The following CSMD2 variants were observed in gnomAD, a reference collection of about 807,000 sequenced individuals.
CSMD2 encodes the protein CUB and Sushi multiple domains 2.
A neutral mutation model predicts 398.5 loss-of-function variants in CSMD2; 130 were observed. That is an observed-to-expected ratio of 0.33 (90% confidence interval 0.28 to 0.38). The LOEUF (loss-of-function observed/expected upper bound fraction) is 0.38, where lower values mean the gene tolerates loss of function less well. Ranked by LOEUF, CSMD2 falls within the 10% of genes least tolerant of loss-of-function variation. The pLI, the probability that CSMD2 is intolerant of heterozygous loss-of-function variation, is 1.00. For missense variants in CSMD2, 3,829 were observed against 4,764.9 expected (o/e 0.80, Z 5.78); for synonymous variants, 1,828 against 1,908.5 (o/e 0.96, Z 1.10).
intron 26 of CSMD2, among the ~76,000 whole-genome samples, chr1:33,661,960 T>C (rs1447565064): frequency 7.8e-6 from 1 of 127,892 alleles, no homozygotes; most frequent in Admixed American, 8.1e-5. Context: ...CACAGTGGAG[T>C]AAGGAGATGG....
intron 3 of CSMD2, among the ~76,000 whole-genome samples, chr1:34,010,171 T>C (rs7541778): frequency 0.16 from 24,681 of 152,138 alleles, 2,693 homozygotes; most frequent in East Asian, 0.48. Flanking sequence ...TCCACCACTC[T>C]ATGTGGGCCT....
At chr1:33,520,348 T>C (rs575704109) in intron 68 of CSMD2, among the ~76,000 whole-genome samples, 21 of 152,332 alleles carry the variant, frequency 1.4e-4, no homozygotes, top group African/African-American at 5.1e-4. Context: ...GTGAAACTGT[T>C]CTGGTTGAAG....
At chr1:33,790,803 A>ATCTATCTG (rs1654191348) in intron 11 of CSMD2, among the ~76,000 whole-genome samples, 1 of 87,066 alleles carries the variant, frequency 1.1e-5, no homozygotes, top group Non-Finnish European at 2.6e-5. Context: ...TCTCTCTAAT[A>ATCTATCTG]TCTATCTATC....
At chr1:33,768,292 T>C (rs941572968) in intron 13 of CSMD2, among the ~76,000 whole-genome samples, 2 of 152,192 alleles carry the variant, frequency 1.3e-5, no homozygotes, top group Non-Finnish European at 2.9e-5. Context: ...CAGGGAATAT[T>C]TGGCAATGTC....
chr1:33,936,688 G>A (rs1267487724), intron 3 of CSMD2, among the ~76,000 whole-genome samples: 1 of 152,190 alleles, frequency 6.6e-6, no homozygotes, highest in Non-Finnish European at 1.5e-5. Context: ...CAATAAGGAG[G>A]GAGGGAGGAC....
intron 55 of CSMD2, among the ~76,000 whole-genome samples, chr1:33,554,289 G>A (rs1444224849): frequency 2.0e-5 from 3 of 146,500 alleles, no homozygotes; most frequent in Middle Eastern, 3.7e-3. Context: ...CACCTCCCAG[G>A]TTCAAGCAAT....
chr1:33,788,787 A>G (rs1653865682), intron 11 of CSMD2, 75 bp from the exon 12 acceptor site: 1 of 1,009,946 alleles, frequency 9.9e-7, no homozygotes, highest in South Asian at 1.3e-5. Context: ...GACCGATGAC[A>G]TTTAAAGGAC....
At chr1:34,037,488 A>G (rs995597139) in intron 2 of CSMD2, among the ~76,000 whole-genome samples, 5 of 152,192 alleles carry the variant, frequency 3.3e-5, no homozygotes, top group African/African-American at 1.2e-4. Flanking sequence ...TACCCTATGG[A>G]TTAAAATAGT....
Position 33,617,590 on chromosome 1 carries a change from G to A in CSMD2, c.5855C>T (p.Pro1952Leu), listed in dbSNP as rs1216154249. The A allele has an allele frequency of 9.9e-6, 16 of 1,614,012 alleles. No homozygotes were observed. The highest frequency in any genetic ancestry group is 1.2e-5 in the Non-Finnish European group (14 of 1,180,000). Residue 1952 changes from proline (P) to leucine (L), a missense_variant, in exon 38 of 71, where the codon CCT becomes CTT. Pro to Leu is a moderately conservative substitution (Grantham distance 98). This residue lies in a region of CSMD2 where 2,001 missense variants were observed against 2,567.1 expected (regional missense o/e 0.78). Coordinates refer to ENST00000373381, the MANE Select transcript of CSMD2 (RefSeq NM_001281956.2). ...KTVGLSSCPE[P>L]AVPSNGVKTG... ...CTTCACCCCGTTACTGGGCACAGCA[G>A]GTTCCGGACAACTGCTCAGGCCCAC...
intron 12 of CSMD2, among the ~76,000 whole-genome samples, chr1:33,781,475 C>T (rs896328232): frequency 3.7e-4 from 57 of 152,366 alleles, no homozygotes; most frequent in African/African-American, 1.3e-3. Flanking sequence ...CAACACATCA[C>T]AGGGCCTTAG....
At chr1:34,061,386 ACGGCTGGAG>A (rs1243189692) in intron 2 of CSMD2, among the ~76,000 whole-genome samples, 10 of 152,124 alleles carry the variant, frequency 6.6e-5, no homozygotes, top group African/African-American at 2.4e-4. Context: ...CCGTTTCGCA[ACGGCTGGAG>A]CGGCTGGGAC....
rs150462235 is a variant in CSMD2, at chr1:33,975,667, CA to C, written c.518-39714del. Among the ~76,000 whole-genome samples, 96 of 152,120 alleles carry C rather than the reference CA, an allele frequency of 6.3e-4. 1 individual carries two copies. The Middle Eastern group carries it at 0.02, about 32-fold the overall frequency. Reference sequence around the variant, plus strand: ...CACAGGTGCCATCGAAAGGAACCACCAGGGGGGAGGGGAGGGCCTCCCCTCT... The same window carrying C: ...CACAGGTGCCATCGAAAGGAACCACCGGGGGGAGGGGAGGGCCTCCCCTCT... On this transcript the variant is annotated intron_variant, in intron 3 of 70. Coordinates refer to ENST00000373381, the MANE Select transcript of CSMD2 (RefSeq NM_001281956.2).
chr1:34,094,282 C>T (rs1215706549), intron 1 of CSMD2, among the ~76,000 whole-genome samples: 2 of 151,912 alleles, frequency 1.3e-5, no homozygotes, highest in African/African-American at 2.4e-5. Context: ...AAGGAACAAC[C>T]GGTAGCAGCC....
intron 25 of CSMD2, among the ~76,000 whole-genome samples, chr1:33,678,351 A>C (rs995180894): frequency 2.6e-5 from 4 of 150,984 alleles, no homozygotes; most frequent in African/African-American, 4.9e-5. Context: ...TGCAAAAATG[A>C]GAAAATAAAA....
intron 3 of CSMD2, among the ~76,000 whole-genome samples, chr1:33,946,768 ACCAC>A (rs149469384): frequency 0.42 from 61,911 of 148,370 alleles, 13,198 homozygotes; most frequent in African/African-American, 0.53. Context: ...ACAGGCGCGC[ACCAC>A]CCACCATGTC....
Position 33,590,595 on chromosome 1 carries a change from T to TCACACACACACACACACA in CSMD2, c.6857-3445_6857-3428dup, listed in dbSNP as rs10611040. Among the ~76,000 whole-genome samples, 170 of 137,718 alleles carry TCACACACACACACACACA rather than the reference T, an allele frequency of 1.2e-3. 1 individual carries two copies. Among genetic ancestry groups the TCACACACACACACACACA allele is most frequent in the African/African-American group, 3.5e-3 (123 of 35,474 alleles). The allele number at this position is 137,718 out of a possible 152,430, so 90.3% of individuals were successfully genotyped here. A position where few individuals can be genotyped will look rare whatever the true frequency, so the allele number is the denominator to read the frequency against. ...ACAGACACGCCCTCCCTATTTCCCA[T>TCACACACACACACACACA]CACACACACACACACACACACACAC... On this transcript the variant is annotated intron_variant, in intron 44 of 70. Transcript: ENST00000373381.
At chr1:33,734,585 G>A (rs1286408048) in intron 15 of CSMD2, among the ~76,000 whole-genome samples, 1 of 152,110 alleles carries the variant, frequency 6.6e-6, no homozygotes, top group Non-Finnish European at 1.5e-5. Flanking sequence ...AGGAGTTTGA[G>A]ACCAGTCTGG....
At chr1:34,123,825 A>T (rs1255646444) in intron 1 of CSMD2, among the ~76,000 whole-genome samples, 2 of 152,092 alleles carry the variant, frequency 1.3e-5, no homozygotes, top group Admixed American at 1.3e-4. Context: ...AAACAACAAC[A>T]TGGCTTAAGA....
intron 25 of CSMD2, among the ~76,000 whole-genome samples, chr1:33,673,541 G>T (rs1644591127): frequency 6.6e-6 from 1 of 152,216 alleles, no homozygotes; most frequent in Non-Finnish European, 1.5e-5. Flanking sequence ...CACTCTGCAG[G>T]ATATGATCCA....
Sources: gnomAD v4.1 joint callset for allele counts (sites outside exome capture counted in the v4.1 genomes callset) on GRCh38, gnomAD v4.1.1 for gene constraint, gnomAD v4.1.1 regional missense constraint, MANE v1.5 for transcripts, NCBI Gene and HGNC (gene_info 2026-07-23, HGNC 2026-07-21) for gene names.